The following SEPTIN12 variants were observed in gnomAD, a reference collection of about 807,000 sequenced individuals.
The protein encoded by SEPTIN12 is septin-12.
SEPTIN12 carries 42 observed loss-of-function variants against 37.7 expected under a neutral mutation model. The ratio of observed to expected loss-of-function variants is 1.11; its 90% CI spans 0.87 to 1.44. The LOEUF is 1.44. SEPTIN12 is among the 40% of genes most tolerant of loss of function. SEPTIN12 has a pLI of 0.00. For missense variants in SEPTIN12, 613 were observed against 479.2 expected, an observed-to-expected ratio of 1.28 and a Z score of -2.61; for synonymous variants, 254 against 196.7, an observed-to-expected ratio of 1.29 and a Z score of -2.44.
At chr16:4,790,852 C>A (rs2082540358), upstream of SEPTIN12, among the ~76,000 whole-genome samples, 1 of 152,190 alleles carries the variant, frequency 6.6e-6, no homozygotes, top group South Asian at 2.1e-4. Context: ...TAAGGGTGGG[C>A]CAGGCAGGGC....
At chr16:4,786,186 T>G in intron 2 of SEPTIN12, 81 bp from the exon 3 acceptor site, 1 of 1,498,610 alleles carries the variant, frequency 6.7e-7, no homozygotes, top group East Asian at 2.3e-5. Flanking sequence ...TTCTATTTTA[T>G]TTTTGGAGAC....
intron 4 of SEPTIN12, among the ~76,000 whole-genome samples, chr16:4,784,802 T>C (rs993933827): frequency 1.3e-5 from 2 of 149,632 alleles, no homozygotes; most frequent in Admixed American, 6.7e-5. Flanking sequence ...AATAAATAAA[T>C]AAATAAATAA....
At chr16:4,786,572 G>T (rs993972940) in intron 2 of SEPTIN12, among the ~76,000 whole-genome samples, 1 of 151,218 alleles carries the variant, frequency 6.6e-6, no homozygotes, top group South Asian at 2.1e-4. Context: ...AGCCAGGATG[G>T]TCTTGATTTC....
Position 4,783,703 on chromosome 16 carries a change from C to T in SEPTIN12, c.576G>A (p.Val192=). 1 of 1,614,136 alleles carries T rather than the reference C, an allele frequency of 6.2e-7. No homozygotes were observed. Among genetic ancestry groups the T allele is most frequent in the South Asian group, 1.1e-5 (1 of 91,088 alleles). The part of the protein sequence containing the change: ...RLCRTVNVVP[V]IARADSLTME... Reference sequence around the variant, plus strand: ...TGGTCAGGCTGTCGGCCCTGGCAATCACGGGCACCACATTCACAGTCCGGC... The same window carrying T: ...TGGTCAGGCTGTCGGCCCTGGCAATTACGGGCACCACATTCACAGTCCGGC... Residue 192 remains valine, a synonymous_variant, in exon 6 of 10, where the codon GTG becomes GTA. Coordinates refer to ENST00000268231, the MANE Select transcript of SEPTIN12 (RefSeq NM_144605.5).
In SEPTIN12 at chr16:4,783,653, C is replaced by T. The variant is rs779591455; in HGVS notation, c.626G>A (p.Arg209His). 8.6e-5 allele frequency: 138 copies of T among 1,613,618 alleles called. No homozygotes were observed. The highest frequency in any genetic ancestry group is 2.0e-4 in the Admixed American group (12 of 60,002). Residue 209 changes from arginine to histidine, a missense_variant, in exon 6 of 10, where the codon CGC (arginine) becomes CAC (histidine). Physicochemically the swap from Arg to His is conservative, Grantham distance 29. Coordinates refer to ENST00000268231, the MANE Select transcript of SEPTIN12 (RefSeq NM_144605.5). The stretch of plus-strand genomic sequence containing the variant: ...CTGCCCGGGCATCCAGATCACCCTG[C>T]GCCTGAAGGCCTCTCGCTCCTCCAT... ...LTMEEREAFR[R>H]RIQQNLRTHC...
chr16:4,791,754 C>T (rs1433957333), upstream of SEPTIN12, among the ~76,000 whole-genome samples: 1 of 152,150 alleles, frequency 6.6e-6, no homozygotes, highest in African/African-American at 2.4e-5. Context: ...GTGGCGAGAT[C>T]TTGGCTCCCT....
rs34665135 is a variant in SEPTIN12 at position 4,786,464 on chromosome 16, CCT to C, written c.167-361_167-360del. On this transcript the variant is annotated intron_variant, in intron 2 of 9. Transcript: ENST00000268231. Reference sequence around the variant, plus strand: ...CCGCCTCCCAGATTCACGCCATTCCCCTGTCTCAGCCTCCCAAGTAGCTGGGA... The same window carrying C: ...CCGCCTCCCAGATTCACGCCATTCCCGTCTCAGCCTCCCAAGTAGCTGGGA... Among the ~76,000 whole-genome samples the C allele has an allele frequency of 4.2e-3, 633 of 152,130 alleles. 1 individual carries two copies. The highest frequency in any genetic ancestry group is 6.8e-3 in the Middle Eastern group (2 of 294).
chr16:4,781,787 G>A (rs955010178), intron 7 of SEPTIN12, among the ~76,000 whole-genome samples: 1 of 151,090 alleles, frequency 6.6e-6, no homozygotes, highest in Non-Finnish European at 1.5e-5. Flanking sequence ...TGGGATTACA[G>A]GCATGCACCA....
At chr16:4,779,331 C>T (rs549977642) in intron 8 of SEPTIN12, among the ~76,000 whole-genome samples, 19 of 152,166 alleles carry the variant, frequency 1.2e-4, no homozygotes, top group South Asian at 2.1e-4. Context: ...CTCCCTTTAC[C>T]GTGCACTGCA....
At chr16:4,786,219 G>C in intron 2 of SEPTIN12, 114 bp from the exon 3 acceptor site, 2 of 1,344,694 alleles carry the variant, frequency 1.5e-6, no homozygotes, top group Non-Finnish European at 2.0e-6. Context: ...TGTCACCCAG[G>C]CTGGAGTGCA....
intron 7 of SEPTIN12, among the ~76,000 whole-genome samples, chr16:4,780,996 C>T (rs1312000226): frequency 1.3e-5 from 2 of 152,004 alleles, no homozygotes; most frequent in Non-Finnish European, 2.9e-5. Flanking sequence ...CACGGTGGCT[C>T]ACGCCTATAA....
Position 4,783,969 on chromosome 16 carries a change from C to G in SEPTIN12, c.474G>C (p.Val158=), listed in dbSNP as rs759991. The G allele has an allele frequency of 3.7e-6, 6 of 1,613,962 alleles. No homozygotes were observed. The change falls in exon 5 of 10, where the codon GTG becomes GTC. Residue 158 remains valine, a synonymous_variant. Coordinates refer to ENST00000268231, the MANE Select transcript of SEPTIN12 (RefSeq NM_144605.5). The part of the protein sequence containing the change: ...TRQRHIPDTR[V]HCCVYFVPPT... Reference sequence around the variant, plus strand: ...GTGGTACAAAGTACACGCAGCAGTGCACCCGGGTGTCTGGGATGTGGCGCT... The same window carrying G: ...GTGGTACAAAGTACACGCAGCAGTGGACCCGGGTGTCTGGGATGTGGCGCT...
At chr16:4,791,354 G>C (rs951297010), upstream of SEPTIN12, among the ~76,000 whole-genome samples, 1 of 152,194 alleles carries the variant, frequency 6.6e-6, no homozygotes, top group Non-Finnish European at 1.5e-5. Context: ...AGCCTGGATG[G>C]AATCACACGT....
chr16:4,784,231 C>T, intron 4 of SEPTIN12, 163 bp from the exon 5 acceptor site: 2 of 686,530 alleles, frequency 2.9e-6, no homozygotes, highest in Non-Finnish European at 5.0e-6. Flanking sequence ...TTCCCTGCAT[C>T]ATCAGAGACA....
At position 4,777,840 on chromosome 16, in the gene SEPTIN12, T is replaced by G; in HGVS notation, c.1034A>C (p.Lys345Thr). The change falls in exon 10 of 10, where the codon AAG becomes ACG. Residue 345 changes from lysine (K) to threonine (T), a missense_variant. Physicochemically the swap from Lys to Thr is moderately conservative, Grantham distance 78. Coordinates refer to ENST00000268231, the MANE Select transcript of SEPTIN12 (RefSeq NM_144605.5). ...ATCGTCATGGGCCCCCCTGCAGACCTTGAAGGTCCGGGGGGTGGTCAGCTG... is the reference window on the plus strand; with the variant it reads ...ATCGTCATGGGCCCCCCTGCAGACCGTGAAGGTCCGGGGGGTGGTCAGCTG... ...PGQLTTPRTF[K>T]VCRGAHDDSD... The G allele has an allele frequency of 1.9e-6, 3 of 1,592,998 alleles. No individual in the cohort carries two copies. The highest frequency in any genetic ancestry group is 2.6e-6 in the Non-Finnish European group (3 of 1,170,590).
In SEPTIN12 at chr16:4,778,066, C is replaced by A. The variant is rs760497487; in HGVS notation, c.875+20G>T. On this transcript the variant is annotated intron_variant, in intron 9 of 9. Coordinates refer to ENST00000268231, the MANE Select transcript of SEPTIN12 (RefSeq NM_144605.5). ...GGGCCCCTCGCCAGCCCCCTAGCCC[C>A]AGGCTCCCCACACCCTCACCGGATA... 1 of 1,614,042 alleles carries A rather than the reference C, an allele frequency of 6.2e-7. No individual in the cohort carries two copies. Among genetic ancestry groups the A allele is most frequent in the East Asian group, 2.2e-5 (1 of 44,886 alleles).
In SEPTIN12 at chr16:4,785,793, G is replaced by GA. The variant is rs3833435; in HGVS notation, c.374+13dup. On this transcript the variant is annotated intron_variant, in intron 4 of 9. Transcript: ENST00000268231. ...AACTCTGCCTAAAAAAAAAAAAAAA[G>GA]AGAGAGAACCTACCAGTTGTCATTG... is the stretch of plus-strand genomic sequence containing the variant. The GA allele has an allele frequency of 0.37, 531,035 of 1,441,390 alleles. 55,960 individuals carry two copies. Among genetic ancestry groups the GA allele is most frequent in the Admixed American group, 0.44 (22,185 of 49,872 alleles). The allele number at this position is 1,441,390 out of a possible 1,614,324, so 89.3% of individuals were successfully genotyped here.
At chr16:4,781,531 T>G (rs1249930954) in intron 7 of SEPTIN12, among the ~76,000 whole-genome samples, 2 of 152,188 alleles carry the variant, frequency 1.3e-5, no homozygotes, top group Non-Finnish European at 2.9e-5. Flanking sequence ...ACATTTCATA[T>G]AAATGGAATC....
rs1407677171 is a variant in SEPTIN12 at position 4,777,954 on chromosome 16, T to G, written c.920A>C (p.Tyr307Ser). ...DLKDITHNIH[Y>S]ENYRVIRLNE... Reference sequence around the variant, plus strand: ...GAGTCTGATGACGCGGTAGTTCTCATAGTGGATGTTGTGGGTTATGTCCTT... The same window carrying G: ...GAGTCTGATGACGCGGTAGTTCTCAGAGTGGATGTTGTGGGTTATGTCCTT... Residue 307 changes from tyrosine to serine, a missense_variant, in exon 10 of 10, where the codon TAT becomes TCT. Coordinates refer to ENST00000268231, the MANE Select transcript of SEPTIN12 (RefSeq NM_144605.5). The G allele has an allele frequency of 1.2e-6, 2 of 1,610,872 alleles. No individual in the cohort carries two copies.
Sources: allele counts gnomAD v4.1 joint callset (sites outside exome capture counted in the v4.1 genomes callset), GRCh38; gene constraint gnomAD v4.1.1; transcripts MANE v1.5; gene names NCBI Gene and HGNC (gene_info 2026-07-23, HGNC 2026-07-21).